NFX1: variants seen among roughly 807,000 people sequenced by gnomAD.
NFX1 encodes transcriptional repressor NF-X1.
A neutral mutation model predicts 137.2 loss-of-function variants in NFX1; 69 were observed. The observed-to-expected ratio is 0.50, with a 90% confidence interval of 0.41 to 0.61. The LOEUF is 0.61. NFX1 is among the 20% of genes least tolerant of loss of function. The probability of loss-of-function intolerance (pLI) is 0.00; values close to 1 mark genes in which losing one functional copy is unlikely to be tolerated. For missense variants in NFX1, 1,167 were observed against 1,391.0 expected, an observed-to-expected ratio of 0.84 and a Z score of 2.56; for synonymous variants, 495 against 474.1, an observed-to-expected ratio of 1.04 and a Z score of -0.57.
chr9:33,301,963 T>G (rs372294571), intron 3 of NFX1, among the ~76,000 whole-genome samples: 22 of 152,280 alleles, frequency 1.4e-4, no homozygotes, highest in African/African-American at 5.3e-4. Flanking sequence ...TCCCAGCTAC[T>G]CGGGAGGCTG....
chr9:33,302,733 G>C lies in NFX1; in HGVS notation c.1193-458G>C, dbSNP rs575777380. ...TGCCCAGGCTGGAGTGCAGTGGCAC[G>C]ATCTCGGCTCACTGCAGCCTCCACC... On this transcript the variant is annotated intron_variant, in intron 3 of 23. Coordinates refer to ENST00000379540, the MANE Select transcript of NFX1 (RefSeq NM_002504.6). Among the ~76,000 whole-genome samples the C allele has an allele frequency of 4.0e-5, 6 of 151,374 alleles. No homozygotes were observed. The East Asian group carries it at 1.2e-3, about 29-fold the overall frequency.
rs546376893 is a variant in NFX1, at chr9:33,319,078, G to T, written c.1857G>T (p.Val619=). ...SSSRKTCMDP[V]PSCGKVCGKP... Reference sequence around the variant, plus strand: ...GTCGGAAAACATGCATGGACCCTGTGCCTTCATGTGGAAAAGTGTGCGGCA... The same window carrying T: ...GTCGGAAAACATGCATGGACCCTGTTCCTTCATGTGGAAAAGTGTGCGGCA... Residue 619 remains valine, a synonymous_variant, in exon 9 of 24, where the codon GTG becomes GTT. Coordinates refer to ENST00000379540, the MANE Select transcript of NFX1 (RefSeq NM_002504.6). 69 of 1,614,202 alleles carry T rather than the reference G, an allele frequency of 4.3e-5. No individual in the cohort carries two copies. The South Asian group carries it at 7.5e-4, about 17-fold the overall frequency.
intron 23 of NFX1, among the ~76,000 whole-genome samples, chr9:33,369,124 G>A (rs1169794100): frequency 6.6e-6 from 1 of 151,668 alleles, no homozygotes; most frequent in Non-Finnish European, 1.5e-5. Flanking sequence ...GGAGTGCAGT[G>A]GCGCGATCTC....
At chr9:33,362,948 C>G (rs1447191274) in intron 19 of NFX1, among the ~76,000 whole-genome samples, 1 of 151,826 alleles carries the variant, frequency 6.6e-6, no homozygotes, top group Non-Finnish European at 1.5e-5. Context: ...AGGTGATCCG[C>G]CCGCCTCGGC....
intron 12 of NFX1, among the ~76,000 whole-genome samples, chr9:33,339,928 C>T (rs536005761): frequency 3.3e-5 from 5 of 152,362 alleles, no homozygotes; most frequent in South Asian, 4.1e-4. Context: ...TGGACAGCTC[C>T]GCCCATGTGG....
At chr9:33,307,466 T>C (rs1564107678) in intron 5 of NFX1, among the ~76,000 whole-genome samples, 167 bp downstream of exon 5, 2 of 152,246 alleles carry the variant, frequency 1.3e-5, no homozygotes, top group East Asian at 1.9e-4. Context: ...ATCAGTTAAC[T>C]TGTTGAATCC....
At chr9:33,341,828 A>G (rs1823233231) in intron 12 of NFX1, among the ~76,000 whole-genome samples, 1 of 152,186 alleles carries the variant, frequency 6.6e-6, no homozygotes, top group African/African-American at 2.4e-5. Flanking sequence ...TTTAAATGTA[A>G]AAATAAGGCT....
intron 19 of NFX1, among the ~76,000 whole-genome samples, chr9:33,355,763 G>A (rs145982467): frequency 0.1 from 15,305 of 149,878 alleles, 969 homozygotes; most frequent in East Asian, 0.21. Flanking sequence ...TCTTGCCTTA[G>A]CCTCCAGAGT....
intron 14 of NFX1, among the ~76,000 whole-genome samples, chr9:33,345,993 G>A (rs1251966112): frequency 6.6e-6 from 1 of 152,206 alleles, no homozygotes; most frequent in African/African-American, 2.4e-5. Flanking sequence ...GATACCCACA[G>A]TTAGTCTGGC....
chr9:33,310,206 C>G (rs1247493441), intron 5 of NFX1, among the ~76,000 whole-genome samples: 1 of 152,182 alleles, frequency 6.6e-6, no homozygotes, highest in African/African-American at 2.4e-5. Context: ...TATAAGCACA[C>G]TAATGTTTTA....
At chr9:33,297,960 T>C (rs1357300495) in intron 2 of NFX1, among the ~76,000 whole-genome samples, 1 of 152,188 alleles carries the variant, frequency 6.6e-6, no homozygotes, top group Non-Finnish European at 1.5e-5. Flanking sequence ...ATTTAACAAA[T>C]CTCTTGGGGC....
chr9:33,355,547 T>A (rs932102459), intron 19 of NFX1, among the ~76,000 whole-genome samples: 2 of 151,992 alleles, frequency 1.3e-5, no homozygotes, highest in Non-Finnish European at 2.9e-5. Flanking sequence ...TCCTGCATGA[T>A]TTTTTTTGTA....
At chr9:33,357,736 G>C (rs1279905953) in intron 19 of NFX1, among the ~76,000 whole-genome samples, 1 of 149,546 alleles carries the variant, frequency 6.7e-6, no homozygotes. Flanking sequence ...TGTAAAGACA[G>C]GGTTTTACTA....
intron 7 of NFX1, among the ~76,000 whole-genome samples, chr9:33,316,185 T>A (rs1262294842): frequency 6.6e-6 from 1 of 152,180 alleles, no homozygotes; most frequent in Admixed American, 6.5e-5. Context: ...TTCCAGCCCC[T>A]GTTTTTAATA....
At chr9:33,353,588 C>T (rs1165167688) in intron 17 of NFX1, among the ~76,000 whole-genome samples, 2 of 150,744 alleles carry the variant, frequency 1.3e-5, no homozygotes, top group African/African-American at 2.4e-5. Context: ...CATGTAGCTG[C>T]TTTGAATATA....
At chr9:33,303,688 C>A (rs1821655161) in intron 4 of NFX1, among the ~76,000 whole-genome samples, 1 of 152,064 alleles carries the variant, frequency 6.6e-6, no homozygotes. Context: ...TTTTATAAAC[C>A]AGCATTATAA....
chr9:33,318,656 C>T, intron 7 of NFX1, 75 bp from the exon 8 acceptor site: 1 of 1,383,546 alleles, frequency 7.2e-7, no homozygotes, highest in Non-Finnish European at 1.0e-6. Flanking sequence ...TTTGTATTTT[C>T]TTATAGATTA....
At chr9:33,364,675 C>T (rs1389693060) in intron 20 of NFX1, 33 bp from the exon 21 acceptor site, 2 of 1,602,792 alleles carry the variant, frequency 1.2e-6, no homozygotes, top group Admixed American at 3.4e-5. Context: ...AGGGCAGGGA[C>T]AGACAAAATT....
At chr9:33,310,398 C>T (rs1361750734) in intron 5 of NFX1, among the ~76,000 whole-genome samples, 1 of 152,182 alleles carries the variant, frequency 6.6e-6, no homozygotes, top group Non-Finnish European at 1.5e-5. Context: ...GCCAAAGTGT[C>T]TGCTTTGAAG....
Sources: gnomAD v4.1 joint callset for allele counts (sites outside exome capture counted in the v4.1 genomes callset) on GRCh38, gnomAD v4.1.1 for gene constraint, MANE v1.5 for transcripts, NCBI Gene and HGNC (gene_info 2026-07-23, HGNC 2026-07-21) for gene names.